The following TMEM117 variants were observed in gnomAD, a reference collection of about 807,000 sequenced individuals.
TMEM117 encodes the protein transmembrane protein 117.
A neutral mutation model predicts 52.4 loss-of-function variants in TMEM117; 27 were observed. The observed-to-expected ratio is 0.51, with a 90% CI of 0.38 to 0.71. The LOEUF is 0.71. Among genes scored for constraint, TMEM117 ranks in the 30% least tolerant of loss-of-function variants. TMEM117 has a pLI of 0.00. For synonymous variants in TMEM117, 215 were observed against 206.3 expected, an observed-to-expected ratio of 1.04 and a Z score of -0.36; for missense variants, 556 against 630.5, an observed-to-expected ratio of 0.88 and a Z score of 1.26.
chr12:43,915,923 C>G (rs7969016), intron 2 of TMEM117, among the ~76,000 whole-genome samples: 31,855 of 151,994 alleles, frequency 0.21, 3,403 homozygotes, highest in Middle Eastern at 0.26. Flanking sequence ...CAGCACCCCC[C>G]TCAACCTCAC....
At chr12:43,872,775 A>T (rs573882167) in intron 2 of TMEM117, among the ~76,000 whole-genome samples, 2 of 152,208 alleles carry the variant, frequency 1.3e-5, no homozygotes, top group Non-Finnish European at 2.9e-5. Flanking sequence ...AGAAATTGTC[A>T]TGAAATAAAA....
chr12:44,382,235 A>G (rs1176195956), intron 7 of TMEM117, among the ~76,000 whole-genome samples: 2 of 152,148 alleles, frequency 1.3e-5, no homozygotes, highest in Non-Finnish European at 2.9e-5. Flanking sequence ...TTGTACATAC[A>G]TGAGCACCTT....
chr12:44,147,968 C>T (rs1453698046), intron 4 of TMEM117, among the ~76,000 whole-genome samples: 2 of 151,566 alleles, frequency 1.3e-5, no homozygotes, highest in Non-Finnish European at 2.9e-5. Flanking sequence ...AAAGACAATT[C>T]TGTTAGCCAA....
At chr12:44,366,946 T>C (rs750262007) in intron 6 of TMEM117, among the ~76,000 whole-genome samples, 4 of 152,110 alleles carry the variant, frequency 2.6e-5, no homozygotes, top group Non-Finnish European at 4.4e-5. Flanking sequence ...CCAAAGAGAA[T>C]AGATACTGCC....
intron 3 of TMEM117, among the ~76,000 whole-genome samples, chr12:44,092,165 A>G (rs918574840): frequency 6.6e-6 from 1 of 152,224 alleles, no homozygotes; most frequent in African/African-American, 2.4e-5. Flanking sequence ...ATCTCTTTAT[A>G]ATAAAATAAC....
chr12:43,847,214 GTTT>G (rs1943225366), intron 2 of TMEM117, among the ~76,000 whole-genome samples: 2 of 152,168 alleles, frequency 1.3e-5, no homozygotes, highest in African/African-American at 4.8e-5. Flanking sequence ...ATCTCTGAAG[GTTT>G]CTGTGGTCTG....
chr12:43,843,127 G>C (rs1943142594), intron 1 of TMEM117, among the ~76,000 whole-genome samples: 1 of 152,172 alleles, frequency 6.6e-6, no homozygotes, highest in Non-Finnish European at 1.5e-5. Context: ...CCAGCACAGA[G>C]CCTGGCATGC....
At chr12:43,922,233 G>A (rs373676431) in intron 2 of TMEM117, among the ~76,000 whole-genome samples, 3 of 151,966 alleles carry the variant, frequency 2.0e-5, no homozygotes, top group Non-Finnish European at 4.4e-5. Flanking sequence ...AAGGCAATAC[G>A]CGTGCAGTGG....
the TMEM117 span, among the ~76,000 whole-genome samples, chr12:43,808,583 A>G: frequency 6.6e-6 from 1 of 152,134 alleles, no homozygotes; most frequent in Non-Finnish European, 1.5e-5. Context: ...TCAGTTAAAT[A>G]ACATAAATGA....
chr12:44,106,035 A>G (rs529799265), intron 3 of TMEM117, among the ~76,000 whole-genome samples: 1 of 152,136 alleles, frequency 6.6e-6, no homozygotes, highest in Admixed American at 6.6e-5. Context: ...TATCAATTAC[A>G]GTTCAGGTTT....
At chr12:44,055,695 G>C (rs1947043523) in intron 3 of TMEM117, among the ~76,000 whole-genome samples, 1 of 152,056 alleles carries the variant, frequency 6.6e-6, no homozygotes, top group African/African-American at 2.4e-5. Context: ...GTTAATATTT[G>C]TAAAGTGCTT....
At chr12:43,959,102 C>T (rs560146011) in intron 3 of TMEM117, among the ~76,000 whole-genome samples, 4 of 152,150 alleles carry the variant, frequency 2.6e-5, no homozygotes, top group East Asian at 1.9e-4. Context: ...CCACCGCGCC[C>T]GGCCAAAATG....
chr12:44,158,345 G>T (rs368138156), intron 4 of TMEM117, among the ~76,000 whole-genome samples: 1 of 152,092 alleles, frequency 6.6e-6, no homozygotes, highest in Non-Finnish European at 1.5e-5. Context: ...ATTTTAATTC[G>T]AAAGTTTTGA....
intron 5 of TMEM117, among the ~76,000 whole-genome samples, chr12:44,246,768 T>A (rs957824801): frequency 1.3e-5 from 2 of 152,196 alleles, no homozygotes; most frequent in African/African-American, 4.8e-5. Flanking sequence ...ACAGTAACAG[T>A]CTCAATGGAG....
At position 43,999,705 on chromosome 12, in the gene TMEM117, T is replaced by C. The variant is rs1439290130; in HGVS notation, c.410+55363T>C. Among the ~76,000 whole-genome samples the C allele has an allele frequency of 6.6e-5, 10 of 152,144 alleles. No individual in the cohort carries two copies. In the East Asian group the frequency reaches 1.9e-3, roughly 29 times the overall value. ...CGGGGTTTCACCATGTTGCCCAACC[T>C]TGTGTCAAACTCCTGAGCTCAAGCA... On this transcript the variant is annotated intron_variant, in intron 3 of 7. Transcript: ENST00000266534.
At chr12:43,815,285 A>G in the TMEM117 span, among the ~76,000 whole-genome samples, 54 of 152,322 alleles carry the variant, frequency 3.5e-4, no homozygotes, top group Middle Eastern at 6.8e-3. Flanking sequence ...GAGACCTTTA[A>G]TGCTTTAACT....
In TMEM117 at chr12:44,231,520, T is replaced by G. The variant is rs554892957; in HGVS notation, c.608+20133T>G. 3.3e-5 allele frequency among the ~76,000 whole-genome samples: 5 copies of G among 151,928 alleles called. No homozygotes were observed. The South Asian group carries it at 1.0e-3, about 31-fold the overall frequency. ...TGTATATTCAGGAGTAAAGGAGAGATACATATTTTCACCTTCACTAGATAA... is the reference window on the plus strand; with the variant it reads ...TGTATATTCAGGAGTAAAGGAGAGAGACATATTTTCACCTTCACTAGATAA... On this transcript the variant is annotated intron_variant, in intron 5 of 7. Transcript: ENST00000266534.
chr12:44,081,759 C>T (rs1437808470), intron 3 of TMEM117, among the ~76,000 whole-genome samples: 1 of 151,982 alleles, frequency 6.6e-6, no homozygotes, highest in East Asian at 1.9e-4. Context: ...ACAAATAAAT[C>T]TCCAATCTCA....
intron 2 of TMEM117, among the ~76,000 whole-genome samples, chr12:43,891,524 C>G (rs1344337541): frequency 6.6e-6 from 1 of 151,742 alleles, no homozygotes; most frequent in African/African-American, 2.4e-5. Flanking sequence ...AGGCACCCAC[C>G]ACCATGCCCG....
Sources: allele counts gnomAD v4.1 joint callset (sites outside exome capture counted in the v4.1 genomes callset), GRCh38; gene constraint gnomAD v4.1.1; transcripts MANE v1.5; gene names NCBI Gene and HGNC (gene_info 2026-07-23, HGNC 2026-07-21).